The following SAMD3 variants were observed in gnomAD, a reference collection of about 807,000 sequenced individuals.
The protein encoded by SAMD3 is sterile alpha motif domain containing 3.
SAMD3 carries 63 observed loss-of-function variants against 58.5 expected under a neutral mutation model. That is an observed-to-expected ratio of 1.08 (90% CI 0.88 to 1.33). The LOEUF is 1.33. SAMD3 is among the 40% of genes most tolerant of loss of function. The pLI is 0.00. For missense variants in SAMD3, 604 were observed against 608.4 expected, an observed-to-expected ratio of 0.99 and a Z score of 0.08; for synonymous variants, 220 against 210.3, an observed-to-expected ratio of 1.05 and a Z score of -0.40.
chr6:130,213,228 T>A (rs1795719741), intron 4 of SAMD3, among the ~76,000 whole-genome samples: 1 of 151,970 alleles, frequency 6.6e-6, no homozygotes, highest in Non-Finnish European at 1.5e-5. Flanking sequence ...AGCCCAGGAA[T>A]TCGAAGCTGC....
At chr6:130,347,326 T>A (rs149407459) in intron 1 of SAMD3, among the ~76,000 whole-genome samples, 1 of 151,998 alleles carries the variant, frequency 6.6e-6, no homozygotes, top group South Asian at 2.1e-4. Context: ...GTAAAAACCT[T>A]GAAAAAAAAT....
intron 9 of SAMD3, among the ~76,000 whole-genome samples, chr6:130,147,175 T>G (rs980119847): frequency 1.3e-5 from 2 of 152,158 alleles, no homozygotes; most frequent in African/African-American, 4.8e-5. Flanking sequence ...CCACCCACAC[T>G]CCAGTGAATT....
At chr6:130,271,067 T>C (rs1774544949) in intron 2 of SAMD3, among the ~76,000 whole-genome samples, 1 of 152,038 alleles carries the variant, frequency 6.6e-6, no homozygotes, top group Non-Finnish European at 1.5e-5. Context: ...TGGCGCCATC[T>C]TGGTTCACTG....
At chr6:130,146,906 C>T (rs573013112) in intron 9 of SAMD3, among the ~76,000 whole-genome samples, 1 of 151,906 alleles carries the variant, frequency 6.6e-6, no homozygotes, top group East Asian at 1.9e-4. Flanking sequence ...CCGGGGAGAT[C>T]GAGACTGCAG....
intron 2 of SAMD3, among the ~76,000 whole-genome samples, chr6:130,296,387 T>A (rs984234527): frequency 4.6e-5 from 7 of 151,484 alleles, no homozygotes; most frequent in African/African-American, 1.7e-4. Context: ...TAGGTGGGAG[T>A]GCCCTTGGTG....
chr6:130,330,674 T>A (rs1776904349), intron 1 of SAMD3, among the ~76,000 whole-genome samples: 1 of 152,184 alleles, frequency 6.6e-6, no homozygotes, highest in African/African-American at 2.4e-5. Flanking sequence ...CAGGAATTTG[T>A]AGCAACCAGT....
chr6:130,252,530 TCA>T (rs1773773769), intron 2 of SAMD3, among the ~76,000 whole-genome samples: 1 of 152,118 alleles, frequency 6.6e-6, no homozygotes, highest in Admixed American at 6.5e-5. Flanking sequence ...ACAAGGCAAA[TCA>T]CTTGGCCAAA....
chr6:130,145,848 T>C (rs1404653560), intron 10 of SAMD3, among the ~76,000 whole-genome samples, 162 bp downstream of exon 10: 1 of 151,858 alleles, frequency 6.6e-6, no homozygotes, highest in East Asian at 1.9e-4. Flanking sequence ...TTGAAAATTA[T>C]TATTAAATAT....
intron 5 of SAMD3, among the ~76,000 whole-genome samples, chr6:130,192,275 T>A (rs1053959760): frequency 6.6e-6 from 1 of 152,264 alleles, no homozygotes; most frequent in Non-Finnish European, 1.5e-5. Flanking sequence ...TGTAGTTCTA[T>A]AAACTTGTGT....
intron 1 of SAMD3, among the ~76,000 whole-genome samples, chr6:130,353,718 A>G (rs1777746747): frequency 6.6e-6 from 1 of 152,212 alleles, no homozygotes; most frequent in Non-Finnish European, 1.5e-5. Context: ...AGAGTAGAAG[A>G]CAAATGAGAC....
rs1423735345 is a variant in SAMD3 at position 130,153,662 on chromosome 6, A to ATATATATATATATATATATATATATATT, written c.1023+1162_1023+1163insAATATATATATATATATATATATATATA. Among the ~76,000 whole-genome samples the ATATATATATATATATATATATATATATT allele has an allele frequency of 4.6e-5, 6 of 131,260 alleles. No individual in the cohort carries two copies. The South Asian group carries it at 1.0e-3, about 22-fold the overall frequency. The allele number at this position is 131,260 out of a possible 152,430, so 86.1% of individuals were successfully genotyped here. On this transcript the variant is annotated intron_variant, in intron 9 of 11. Coordinates refer to ENST00000439090, the MANE Select transcript of SAMD3 (RefSeq NM_001017373.4). ...CATTAAATTTCATATATATATATATATATTTATTTATTTATTTATTTTTTA... is the reference window on the plus strand; with the variant it reads ...CATTAAATTTCATATATATATATATATATATATATATATATATATATATATATTTATTTATTTATTTATTTATTTTTTA...
At chr6:130,146,323 A>G (rs2114542609) in intron 9 of SAMD3, 142 bp from the exon 10 acceptor site, 1 of 436,306 alleles carries the variant, frequency 2.3e-6, no homozygotes, top group East Asian at 3.5e-5. Context: ...TTAGTGGAGA[A>G]TTAAAGCCTT....
chr6:130,271,538 C>A (rs900142349), intron 2 of SAMD3, among the ~76,000 whole-genome samples: 1 of 152,010 alleles, frequency 6.6e-6, no homozygotes, highest in Non-Finnish European at 1.5e-5. Flanking sequence ...TGTAAATACT[C>A]CTTATATATT....
chr6:130,314,929 T>C (rs79136855), intron 1 of SAMD3, among the ~76,000 whole-genome samples: 2,100 of 152,314 alleles, frequency 0.014, 52 homozygotes, highest in African/African-American at 0.046. Flanking sequence ...ATACCAGTAC[T>C]TTAAAAAGTA....
At chr6:130,253,960 A>T (rs1583010900) in intron 2 of SAMD3, among the ~76,000 whole-genome samples, 4 of 152,088 alleles carry the variant, frequency 2.6e-5, no homozygotes, top group Non-Finnish European at 4.4e-5. Context: ...AATTAGATAC[A>T]TTCAAAATGT....
Position 130,153,450 on chromosome 6 carries a change from A to G in SAMD3, c.1023+1375T>C, listed in dbSNP as rs576740031. Reference sequence around the variant, plus strand: ...ATTTCCCTTTGCTCAGAAGAAAAATATGTAGATGTTTCATGTTTAATTTGG... The same window carrying G: ...ATTTCCCTTTGCTCAGAAGAAAAATGTGTAGATGTTTCATGTTTAATTTGG... On this transcript the variant is annotated intron_variant, in intron 9 of 11. Coordinates refer to ENST00000439090, the MANE Select transcript of SAMD3 (RefSeq NM_001017373.4). Among the ~76,000 whole-genome samples, 3 of 152,030 alleles carry G rather than the reference A, an allele frequency of 2.0e-5. No homozygotes were observed. The East Asian group carries it at 5.8e-4, about 29-fold the overall frequency.
chr6:130,331,620 G>T, intron 1 of SAMD3, among the ~76,000 whole-genome samples: 1 of 152,284 alleles, frequency 6.6e-6, no homozygotes, highest in Non-Finnish European at 1.5e-5. Flanking sequence ...TCAGGAGGCT[G>T]AGGCTGGAGA....
At chr6:130,282,277 G>T (rs1307048394) in intron 2 of SAMD3, among the ~76,000 whole-genome samples, 6 of 152,144 alleles carry the variant, frequency 3.9e-5, no homozygotes, top group Admixed American at 2.0e-4. Flanking sequence ...GTCCTAAAGA[G>T]ATGGTAGTCT....
At chr6:130,218,935 A>G (rs1396390513) in intron 1 of SAMD3, among the ~76,000 whole-genome samples, 3 of 152,192 alleles carry the variant, frequency 2.0e-5, no homozygotes, top group Admixed American at 2.0e-4. Context: ...TAGAATGTTA[A>G]GAGTTTATAG....
Sources: allele counts gnomAD v4.1 joint callset (sites outside exome capture counted in the v4.1 genomes callset), GRCh38; gene constraint gnomAD v4.1.1; transcripts MANE v1.5; gene names NCBI Gene and HGNC (gene_info 2026-07-23, HGNC 2026-07-21).